RPS6KA1: variants seen among roughly 807,000 people sequenced by gnomAD.
RPS6KA1 encodes the protein ribosomal protein S6 kinase A1.
Under a neutral mutation model 91.3 loss-of-function variants are expected in RPS6KA1, and 48 were observed. That is an observed-to-expected ratio of 0.53 (90% confidence interval 0.42 to 0.67). The LOEUF is 0.67. Ranked by LOEUF, RPS6KA1 falls within the 30% of genes least tolerant of loss-of-function variation. The pLI is 0.00. For synonymous variants in RPS6KA1, 359 were observed against 384.7 expected (o/e 0.93, Z 0.78); for missense variants, 719 against 960.5 (o/e 0.75, Z 3.32).
rs952334493 is a variant in RPS6KA1 at position 26,547,424 on chromosome 1, C to G, written c.307+154C>G. On this transcript the variant is annotated intron_variant, in intron 4 of 21. Transcript: ENST00000374168. This position sits in a 1 kb window ranked among gnomAD's most constrained non-coding sequence, Gnocchi z 4.1. ...ACAGGCCTATTTCTCAGCTATCCCT[C>G]GCCAGCCAATCCTCCTCCCCCTAAG... The G allele has an allele frequency of 1.6e-6, 1 of 632,662 alleles. No individual in the cohort carries two copies. Among genetic ancestry groups the G allele is most frequent in the African/African-American group, 1.8e-5 (1 of 54,596 alleles). The allele number at this position is 632,662 out of a possible 1,614,324, so 39.2% of individuals were successfully genotyped here. A position where few individuals can be genotyped will look rare whatever the true frequency, so the allele number is the denominator to read the frequency against.
chr1:26,574,146 A>G lies in RPS6KA1; in HGVS notation c.2153A>G (p.Glu718Gly). 2 of 1,614,102 alleles carry G rather than the reference A, an allele frequency of 1.2e-6. No individual in the cohort carries two copies. Among genetic ancestry groups the G allele is most frequent in the African/African-American group, 1.3e-5 (1 of 74,994 alleles). ...SKPTPQLKPIESSILAQRRVR... is the reference protein window; with the variant it reads ...SKPTPQLKPIGSSILAQRRVR... ...CCCACCCCCCAGCTGAAGCCCATCG[A>G]GTCATCCATCCTGGCCCAGCGGCGA... Residue 718 changes from glutamate to glycine, a missense_variant, in exon 22 of 22, where the codon GAG becomes GGG. Coordinates refer to ENST00000374168, the MANE Select transcript of RPS6KA1 (RefSeq NM_002953.4). This position sits in a 1 kb window ranked among gnomAD's most constrained non-coding sequence, Gnocchi z 4.3.
chr1:26,545,003 T>A (rs899935011), intron 2 of RPS6KA1, among the ~76,000 whole-genome samples: 1 of 152,074 alleles, frequency 6.6e-6, no homozygotes, highest in African/African-American at 2.4e-5. Flanking sequence ...CTGTTAGATA[T>A]GAGTCCCCTC....
At chr1:26,545,039 C>T (rs561886020) in intron 2 of RPS6KA1, among the ~76,000 whole-genome samples, 1 of 152,178 alleles carries the variant, frequency 6.6e-6, no homozygotes, top group South Asian at 2.1e-4. Context: ...AGGTACGTGT[C>T]TCCATCTGTT....
In RPS6KA1 at chr1:26,554,905, C is replaced by T. The variant is rs766355908; in HGVS notation, c.756+167C>T. Among the ~76,000 whole-genome samples, 2 of 152,210 alleles carry T rather than the reference C, an allele frequency of 1.3e-5. No homozygotes were observed. Among genetic ancestry groups the T allele is most frequent in the Admixed American group, 6.5e-5 (1 of 15,282 alleles). ...GCAGTTTTCTTCCTTGGAAGGATCCCAGGCTTGACCCCACCTGGGACGCGC... is the reference window on the plus strand; with the variant it reads ...GCAGTTTTCTTCCTTGGAAGGATCCTAGGCTTGACCCCACCTGGGACGCGC... On this transcript the variant is annotated intron_variant, in intron 9 of 21. Coordinates refer to ENST00000374168, the MANE Select transcript of RPS6KA1 (RefSeq NM_002953.4). The surrounding 1 kb of genome is among the most constrained non-coding windows in gnomAD (Gnocchi z 4.6).
In RPS6KA1 at chr1:26,555,753, G is replaced by A. The variant is rs1297640789; in HGVS notation, c.916+128G>A. 1 of 889,340 alleles carries A rather than the reference G, an allele frequency of 1.1e-6. No individual in the cohort carries two copies. 55.1% of individuals were successfully genotyped at this position (889,340 alleles called of 1,614,324 possible). The stretch of plus-strand genomic sequence containing the variant: ...CTTTGTGTGGGCAGACAATGCCGCG[G>A]GCCACCCTGCTTTCTGGCTCCATGT... On this transcript the variant is annotated intron_variant, in intron 11 of 21. Transcript: ENST00000374168. This position sits in a 1 kb window ranked among gnomAD's most constrained non-coding sequence, Gnocchi z 4.3.
Position 26,574,130 on chromosome 1 carries a change from C to A in RPS6KA1, c.2137C>A (p.Gln713Lys), listed in dbSNP as rs559733751. ...SALNSSKPTP[Q>K]LKPIESSILA... ...ACTCAACAGCTCCAAGCCCACCCCC[C>A]AGCTGAAGCCCATCGAGTCATCCAT... The change falls in exon 22 of 22, where the codon CAG becomes AAG. Residue 713 changes from glutamine to lysine, a missense_variant. Physicochemically the swap from Gln to Lys is moderately conservative, Grantham distance 53. Around this residue, in one of 5 missense-constraint regions of RPS6KA1, gnomAD observed 249 missense variants for 323.1 expected, o/e 0.77. Transcript: ENST00000374168. The surrounding 1 kb of genome is among the most constrained non-coding windows in gnomAD (Gnocchi z 4.3). 5.6e-6 allele frequency: 9 copies of A among 1,614,056 alleles called. No individual in the cohort carries two copies. The highest frequency in any genetic ancestry group is 1.1e-5 in the South Asian group (1 of 91,090).
chr1:26,547,116 C>A lies in RPS6KA1; in HGVS notation c.226-73C>A. ...AGAGCAAAAAGGTCAGCTTGGGGCT[C>A]AGAGAAGATAGAGGTCAGCCTGGAC... On this transcript the variant is annotated intron_variant, in intron 3 of 21. Transcript: ENST00000374168. The surrounding 1 kb of genome is among the most constrained non-coding windows in gnomAD (Gnocchi z 4.1). The A allele has an allele frequency of 6.4e-7, 1 of 1,567,642 alleles. No individual in the cohort carries two copies. Among genetic ancestry groups the A allele is most frequent in the Non-Finnish European group, 8.8e-7 (1 of 1,138,786 alleles).
At chr1:26,565,170 T>C (rs2076188367) in intron 17 of RPS6KA1, among the ~76,000 whole-genome samples, 1 of 152,136 alleles carries the variant, frequency 6.6e-6, no homozygotes, top group South Asian at 2.1e-4. Flanking sequence ...TGATGAGGAA[T>C]GGGAAGCTCT....
In RPS6KA1 at chr1:26,554,084, C is replaced by T. The variant is rs529238707; in HGVS notation, c.576-130C>T. The T allele has an allele frequency of 9.2e-5, 86 of 933,718 alleles. No individual in the cohort carries two copies. Among genetic ancestry groups the T allele is most frequent in the Admixed American group, 1.6e-4 (6 of 38,444 alleles). The allele number at this position is 933,718 out of a possible 1,614,324, so 57.8% of individuals were successfully genotyped here. A position where few individuals can be genotyped will look rare whatever the true frequency, so the allele number is the denominator to read the frequency against. ...GGTACTGCTACCACCCTGCAACACC[C>T]GCCCAGTCATCAGAGAGAATTGGGT... On this transcript the variant is annotated intron_variant, in intron 7 of 21. Coordinates refer to ENST00000374168, the MANE Select transcript of RPS6KA1 (RefSeq NM_002953.4). The surrounding 1 kb of genome is among the most constrained non-coding windows in gnomAD (Gnocchi z 4.6).
At position 26,571,627 on chromosome 1, in the gene RPS6KA1, C is replaced by T; in HGVS notation, c.1752+17C>T. The T allele has an allele frequency of 6.2e-7, 1 of 1,613,122 alleles. No homozygotes were observed. The highest frequency in any genetic ancestry group is 8.5e-7 in the Non-Finnish European group (1 of 1,179,484). Reference sequence around the variant, plus strand: ...GCGCCTGAGGTGAGTGGCCCAGCCTCCTCAGCTGTAAGAGTGAGGGGGAAT... The same window carrying T: ...GCGCCTGAGGTGAGTGGCCCAGCCTTCTCAGCTGTAAGAGTGAGGGGGAAT... On this transcript the variant is annotated intron_variant, in intron 18 of 21. Coordinates refer to ENST00000374168, the MANE Select transcript of RPS6KA1 (RefSeq NM_002953.4). The surrounding 1 kb of genome is among the most constrained non-coding windows in gnomAD (Gnocchi z 5.1).
intron 2 of RPS6KA1, among the ~76,000 whole-genome samples, chr1:26,545,111 C>T (rs958478517): frequency 4.0e-5 from 6 of 151,072 alleles, no homozygotes; most frequent in South Asian, 2.1e-4. Flanking sequence ...ATCCTCCATC[C>T]CTGCCTGTTG....
chr1:26,555,099 A>G lies in RPS6KA1; in HGVS notation c.757-52A>G. 1 of 1,552,354 alleles carries G rather than the reference A, an allele frequency of 6.4e-7. No homozygotes were observed. Among genetic ancestry groups the G allele is most frequent in the Non-Finnish European group, 8.9e-7 (1 of 1,124,850 alleles). On this transcript the variant is annotated intron_variant, in intron 9 of 21. Coordinates refer to ENST00000374168, the MANE Select transcript of RPS6KA1 (RefSeq NM_002953.4). The surrounding 1 kb of genome is among the most constrained non-coding windows in gnomAD (Gnocchi z 4.3). ...AGGGGTCTGACTGGGAGGAGGCGGG[A>G]GGTGTGTCGGAGACAGGGATCAGAG...
chr1:26,536,986 G>A lies in RPS6KA1; in HGVS notation c.108+17G>A, dbSNP rs988652351. On this transcript the variant is annotated intron_variant, in intron 2 of 21. Transcript: ENST00000374168. ...CCGTCCAAGGTGAGGACCATGGCCA[G>A]CACCCTGAGCGAGGGGCTGTGGGGG... The A allele has an allele frequency of 1.2e-6, 2 of 1,613,940 alleles. No individual in the cohort carries two copies. Among genetic ancestry groups the A allele is most frequent in the African/African-American group, 2.7e-5 (2 of 75,056 alleles).
chr1:26,557,677 T>C (rs2076114527), intron 13 of RPS6KA1, among the ~76,000 whole-genome samples: 1 of 152,130 alleles, frequency 6.6e-6, no homozygotes, highest in Non-Finnish European at 1.5e-5. Context: ...TGGCCAGATA[T>C]TGACAGTGGG....
At chr1:26,537,509 G>A (rs2075915778) in intron 2 of RPS6KA1, among the ~76,000 whole-genome samples, 2 of 152,292 alleles carry the variant, frequency 1.3e-5, no homozygotes, top group South Asian at 2.1e-4. Context: ...GCTTCCCCTG[G>A]GCCCCTTCCT....
At chr1:26,541,401 A>G (rs1382360181) in intron 2 of RPS6KA1, among the ~76,000 whole-genome samples, 1 of 152,022 alleles carries the variant, frequency 6.6e-6, no homozygotes, top group Non-Finnish European at 1.5e-5. Flanking sequence ...CTAAAATACA[A>G]AAAATTAGCC....
At position 26,554,710 on chromosome 1, in the gene RPS6KA1, C is replaced by G; in HGVS notation, c.728C>G (p.Ala243Gly). 1 of 1,610,410 alleles carries G rather than the reference C, an allele frequency of 6.2e-7. No homozygotes were observed. The highest frequency in any genetic ancestry group is 8.5e-7 in the Non-Finnish European group (1 of 1,177,194). The change falls in exon 9 of 22, where the codon GCG becomes GGG. Residue 243 changes from alanine (A) to glycine (G), a missense_variant. Ala to Gly is a moderately conservative substitution (Grantham distance 60). This residue lies in a region of RPS6KA1 where 159 missense variants were observed against 264.5 expected (regional missense o/e 0.60). Coordinates refer to ENST00000374168, the MANE Select transcript of RPS6KA1 (RefSeq NM_002953.4). This position sits in a 1 kb window ranked among gnomAD's most constrained non-coding sequence, Gnocchi z 4.6. ...VVNRQGHSHSADWWSYGVLMF... is the reference protein window; with the variant it reads ...VVNRQGHSHSGDWWSYGVLMF... Reference sequence around the variant, plus strand: ...AACCGCCAGGGCCACTCCCATAGTGCGGACTGGTGGTCCTATGGGGTGTTG... The same window carrying G: ...AACCGCCAGGGCCACTCCCATAGTGGGGACTGGTGGTCCTATGGGGTGTTG...
At position 26,558,853 on chromosome 1, in the gene RPS6KA1, G is replaced by A. The variant is rs767144584; in HGVS notation, c.1131G>A (p.Arg377=). The A allele has an allele frequency of 1.2e-6, 2 of 1,613,782 alleles. No individual in the cohort carries two copies. Among genetic ancestry groups the A allele is most frequent in the South Asian group, 1.1e-5 (1 of 91,066 alleles). Residue 377 remains arginine, a synonymous_variant, in exon 14 of 22, where the codon CGG becomes CGA. Coordinates refer to ENST00000374168, the MANE Select transcript of RPS6KA1 (RefSeq NM_002953.4). The surrounding 1 kb of genome is among the most constrained non-coding windows in gnomAD (Gnocchi z 4.0). ...PPSAGAHQLF[R]GFSFVATGLM... is the part of the protein sequence containing the mutation. The stretch of plus-strand genomic sequence containing the variant: ...GCGCTGGGGCCCATCAGCTGTTCCG[G>A]GGCTTCAGCTTCGTGGCCACCGGCC...
chr1:26,530,367 C>T (rs2075859095), intron 1 of RPS6KA1, among the ~76,000 whole-genome samples: 1 of 152,198 alleles, frequency 6.6e-6, no homozygotes, highest in East Asian at 1.9e-4. Context: ...GGTTATGGGA[C>T]CCCCACTTCT....
Sources: gnomAD v4.1 joint callset for allele counts (sites outside exome capture counted in the v4.1 genomes callset) on GRCh38, gnomAD v4.1.1 for gene constraint, gnomAD v4.1.1 regional missense constraint, Gnocchi (gnomAD v3.1) non-coding constraint, MANE v1.5 for transcripts, NCBI Gene and HGNC (gene_info 2026-07-23, HGNC 2026-07-21) for gene names.